AACS: variants seen among roughly 807,000 people sequenced by gnomAD.
AACS encodes the protein acetoacetate-CoA ligase.
A neutral mutation model predicts 83.1 loss-of-function variants in AACS; 69 were observed. The ratio of observed to expected loss-of-function variants is 0.83; its 90% CI spans 0.68 to 1.01. The LOEUF is 1.01. AACS is among the 50% of genes least tolerant of loss of function. AACS has a pLI of 0.00. For missense variants in AACS, 866 were observed against 882.2 expected (o/e 0.98, Z 0.23); for synonymous variants, 333 against 343.4 (o/e 0.97, Z 0.33).
chr12:125,116,046 A>C (rs1957046566), intron 9 of AACS, among the ~76,000 whole-genome samples: 1 of 151,856 alleles, frequency 6.6e-6, no homozygotes. Flanking sequence ...CAAATGATTC[A>C]GGTTTTTTTT....
Position 125,129,304 on chromosome 12 carries a change from G to GT in AACS, c.1424-29dup. 1.2e-6 allele frequency: 2 copies of GT among 1,602,738 alleles called. No individual in the cohort carries two copies. The highest frequency in any genetic ancestry group is 2.2e-5 in the South Asian group (2 of 89,426). On this transcript the variant is annotated intron_variant, in intron 13 of 17. Transcript: ENST00000316519. The surrounding 1 kb of genome is among the most constrained non-coding windows in gnomAD (Gnocchi z 4.3). ...GCCAGGGTGTGTGGCTGTGGTGTGT[G>GT]TTGGGCTTATTTTTAATTCTCCCAT...
chr12:125,131,468 T>C lies in AACS; in HGVS notation c.1549+2008T>C, dbSNP rs530773854. Among the ~76,000 whole-genome samples, 93 of 152,088 alleles carry C rather than the reference T, an allele frequency of 6.1e-4. 2 individuals carry two copies. The highest frequency in any genetic ancestry group is 1.9e-3 in the African/African-American group (78 of 41,500). On this transcript the variant is annotated intron_variant, in intron 14 of 17. Transcript: ENST00000316519. ...CTCAAGCAATCCTCCTGCCTCAGCC[T>C]CCTCAAGTGCCGGGATTACTAGCAT... is the stretch of plus-strand genomic sequence containing the variant.
Position 125,125,110 on chromosome 12 carries a change from C to T in AACS, c.1309+86C>T, listed in dbSNP as rs1322889581. 24 of 1,577,032 alleles carry T rather than the reference C, an allele frequency of 1.5e-5. No homozygotes were observed. In the South Asian group the frequency reaches 2.2e-4, roughly 14 times the overall value. On this transcript the variant is annotated intron_variant, in intron 12 of 17. Transcript: ENST00000316519. The stretch of plus-strand genomic sequence containing the variant: ...CCTCTGCCCAGTGCTTGGATTCATC[C>T]CAAGGACACAGTCCGCTGGGCAGCC...
chr12:125,066,485 C>T (rs1473307357), intron 1 of AACS, among the ~76,000 whole-genome samples: 39 of 141,586 alleles, frequency 2.8e-4, no homozygotes, highest in African/African-American at 9.7e-4. Flanking sequence ...GTTTCTCTCT[C>T]GTTGCCCAGG....
At chr12:125,066,424 C>G (rs1057186152) in intron 1 of AACS, among the ~76,000 whole-genome samples, 5 of 149,950 alleles carry the variant, frequency 3.3e-5, no homozygotes, top group Admixed American at 3.3e-4. Flanking sequence ...CCCCTCCACC[C>G]TGCCTCCCCT....
chr12:125,120,788 T>TG (rs1428235959), intron 10 of AACS: 1 of 152,102 alleles, frequency 6.6e-6, no homozygotes, highest in African/African-American at 2.4e-5. Flanking sequence ...AAAGTGTATG[T>TG]GAAAGTGTGT....
chr12:125,136,977 C>T (rs1957410858), intron 17 of AACS, 113 bp downstream of exon 17: 2 of 1,109,718 alleles, frequency 1.8e-6, no homozygotes, highest in Admixed American at 2.3e-5. Context: ...CGTTTGTCCA[C>T]GTTGCCTAGC....
chr12:125,139,813 G>C (rs1439068030), intron 17 of AACS: 1 of 152,286 alleles, frequency 6.6e-6, no homozygotes, highest in East Asian at 1.9e-4. Context: ...TTGAGGACAG[G>C]AACCTTGTGG....
Position 125,129,636 on chromosome 12 carries a change from TG to T in AACS, c.1549+177del, listed in dbSNP as rs544852433. 3.3e-5 allele frequency among the ~76,000 whole-genome samples: 5 copies of T among 152,214 alleles called. No homozygotes were observed. The highest frequency in any genetic ancestry group is 7.3e-5 in the Non-Finnish European group (5 of 68,054). On this transcript the variant is annotated intron_variant, in intron 14 of 17. Coordinates refer to ENST00000316519, the MANE Select transcript of AACS (RefSeq NM_023928.5). The surrounding 1 kb of genome is among the most constrained non-coding windows in gnomAD (Gnocchi z 4.3). ...AATGAATTTTTGATCAATATCTTGT[TG>T]TCTTCAGCTTGAAGCTATCGTGTGC... is the stretch of plus-strand genomic sequence containing the variant.
At chr12:125,093,436 G>A (rs540548401) in intron 5 of AACS, among the ~76,000 whole-genome samples, 8 of 152,312 alleles carry the variant, frequency 5.3e-5, no homozygotes, top group South Asian at 2.1e-4. Context: ...TCCTGTGCAC[G>A]TCACTCCCCG....
At chr12:125,091,113 G>A (rs748800463) in intron 4 of AACS, 3 of 391,950 alleles carry the variant, frequency 7.7e-6, no homozygotes, top group Non-Finnish European at 1.5e-5. Flanking sequence ...AAGGCAGGAG[G>A]TGATTAGGAC....
chr12:125,085,207 C>T (rs543062609), intron 3 of AACS, among the ~76,000 whole-genome samples: 3 of 152,242 alleles, frequency 2.0e-5, no homozygotes, highest in Non-Finnish European at 2.9e-5. Context: ...GAACCTCGCA[C>T]GTGCATGTTT....
chr12:125,129,553 C>A lies in AACS; in HGVS notation c.1549+93C>A, dbSNP rs1957299601. The A allele has an allele frequency of 1.4e-6, 2 of 1,468,544 alleles. No homozygotes were observed. Among genetic ancestry groups the A allele is most frequent in the Non-Finnish European group, 1.8e-6 (2 of 1,093,166 alleles). The allele number at this position is 1,468,544 out of a possible 1,614,324, so 91.0% of individuals were successfully genotyped here. On this transcript the variant is annotated intron_variant, in intron 14 of 17. Transcript: ENST00000316519. This position sits in a 1 kb window ranked among gnomAD's most constrained non-coding sequence, Gnocchi z 4.3. ...TGTACCATCGTGCCCCTCCCCTCTT[C>A]CTTCCCCCACCAGGGCTTGGAGAAG... is the stretch of plus-strand genomic sequence containing the variant.
rs1386023324 is a variant in AACS, at chr12:125,140,903, A to G, written c.1882-1189A>G. 1.3e-5 allele frequency: 2 copies of G among 152,256 alleles called. No homozygotes were observed. The highest frequency in any genetic ancestry group is 2.4e-5 in the African/African-American group (1 of 41,460). 9.4% of individuals were successfully genotyped at this position (152,256 alleles called of 1,614,324 possible). A position where few individuals can be genotyped will look rare whatever the true frequency, so the allele number is the denominator to read the frequency against. On this transcript the variant is annotated intron_variant, in intron 17 of 17. Coordinates refer to ENST00000316519, the MANE Select transcript of AACS (RefSeq NM_023928.5). The surrounding 1 kb of genome is among the most constrained non-coding windows in gnomAD (Gnocchi z 5.1). ...CACTTCTGAAGTAATGGCAATATCAATAAAGTAATGGTCTTTATCATAGAA... is the reference window on the plus strand; with the variant it reads ...CACTTCTGAAGTAATGGCAATATCAGTAAAGTAATGGTCTTTATCATAGAA...
intron 4 of AACS, 85 bp from the exon 5 acceptor site, chr12:125,091,341 C>A: frequency 7.2e-7 from 1 of 1,381,914 alleles, no homozygotes; most frequent in Non-Finnish European, 1.0e-6. Context: ...CCCACTCTGA[C>A]CTTGGCTCTC....
In AACS at chr12:125,112,678, C is replaced by CA. The variant is rs56314902; in HGVS notation, c.916-1786dup. ...CTGGTGACAGAGCGAGACTCTGTCTCAAAAAAAAAAAAAGACATACTGAGA... is the reference window on the plus strand; with the variant it reads ...CTGGTGACAGAGCGAGACTCTGTCTCAAAAAAAAAAAAAAGACATACTGAGA... On this transcript the variant is annotated intron_variant, in intron 8 of 17. Transcript: ENST00000316519. Among the ~76,000 whole-genome samples, 233 of 108,382 alleles carry CA rather than the reference C, an allele frequency of 2.1e-3. 3 individuals carry two copies. Among genetic ancestry groups the CA allele is most frequent in the South Asian group, 0.016 (53 of 3,258 alleles). The allele number at this position is 108,382 out of a possible 152,430, so 71.1% of individuals were successfully genotyped here.
chr12:125,090,502 C>T (rs1172234706), intron 4 of AACS, among the ~76,000 whole-genome samples: 1 of 151,958 alleles, frequency 6.6e-6, no homozygotes, highest in African/African-American at 2.4e-5. Flanking sequence ...CCCATTCACC[C>T]ATCTTCCATC....
At chr12:125,106,990 T>C in intron 7 of AACS, 131 bp from the exon 8 acceptor site, 6 of 1,347,404 alleles carry the variant, frequency 4.5e-6, no homozygotes, top group Non-Finnish European at 6.1e-6. Flanking sequence ...TTTCCAAATC[T>C]GGCCACCGTC....
intron 4 of AACS, among the ~76,000 whole-genome samples, chr12:125,089,288 G>A (rs897417903): frequency 1.3e-5 from 2 of 152,206 alleles, no homozygotes; most frequent in African/African-American, 2.4e-5. Flanking sequence ...GGAGTCGCGT[G>A]TGAATCCAGA....
Sources: gnomAD v4.1 joint callset for allele counts (sites outside exome capture counted in the v4.1 genomes callset) on GRCh38, gnomAD v4.1.1 for gene constraint, Gnocchi (gnomAD v3.1) non-coding constraint, MANE v1.5 for transcripts, NCBI Gene and HGNC (gene_info 2026-07-23, HGNC 2026-07-21) for gene names.